The following DNAJC7 variants were observed in gnomAD, a reference collection of about 807,000 sequenced individuals.
DNAJC7 encodes DnaJ heat shock protein family (Hsp40) member C7.
DNAJC7 carries 18 observed loss-of-function variants against 67.4 expected under a neutral mutation model. The observed-to-expected ratio is 0.27, with a 90% CI of 0.18 to 0.40. The LOEUF is 0.40. Among genes scored for constraint, DNAJC7 ranks in the 10% least tolerant of loss-of-function variants. The probability of loss-of-function intolerance (pLI) is 1.00; values close to 1 mark genes in which losing one functional copy is unlikely to be tolerated. For synonymous variants in DNAJC7, 220 were observed against 207.8 expected, an observed-to-expected ratio of 1.06 and a Z score of -0.50; for missense variants, 419 against 613.8, an observed-to-expected ratio of 0.68 and a Z score of 3.35.
intron 9 of DNAJC7, chr17:41,985,183 G>A (rs181092960): frequency 6.6e-6 from 1 of 152,294 alleles, no homozygotes; most frequent in Non-Finnish European, 1.5e-5. Context: ...GCCAGGGCAG[G>A]AGAGTGCTAC....
At chr17:42,009,046 C>A (rs2052049309) in intron 1 of DNAJC7, among the ~76,000 whole-genome samples, 1 of 152,176 alleles carries the variant, frequency 6.6e-6, no homozygotes, top group South Asian at 2.1e-4. Context: ...ATAAATATGG[C>A]AAGGTATTTA....
chr17:42,004,652 TG>T (rs1457281407), intron 1 of DNAJC7, among the ~76,000 whole-genome samples: 1 of 152,216 alleles, frequency 6.6e-6, no homozygotes, highest in Non-Finnish European at 1.5e-5. Flanking sequence ...ATCAGCACAC[TG>T]GAAGCCCTGG....
chr17:41,976,821 A>T, intron 13 of DNAJC7, 51 bp from the exon 14 acceptor site: 1 of 1,595,418 alleles, frequency 6.3e-7, no homozygotes, highest in Non-Finnish European at 8.5e-7. Flanking sequence ...TCTAAGGAAG[A>T]TCACTTTGCT....
At chr17:41,995,980 A>C (rs1177004214) in intron 4 of DNAJC7, among the ~76,000 whole-genome samples, 1 of 152,168 alleles carries the variant, frequency 6.6e-6, no homozygotes, top group African/African-American at 2.4e-5. Flanking sequence ...CTAATGTAAA[A>C]AATTTTTTTG....
chr17:41,999,818 C>T (rs1555649214), intron 2 of DNAJC7, among the ~76,000 whole-genome samples: 1 of 151,628 alleles, frequency 6.6e-6, no homozygotes, highest in Non-Finnish European at 1.5e-5. Flanking sequence ...TGAGCCTGGC[C>T]TATTTTTTTT....
chr17:42,004,507 G>A (rs782004554), intron 1 of DNAJC7, among the ~76,000 whole-genome samples: 1 of 152,142 alleles, frequency 6.6e-6, no homozygotes, highest in Non-Finnish European at 1.5e-5. Flanking sequence ...AAGAGATGCT[G>A]GGAATGACTC....
At chr17:42,010,482 AACTCTGTCTCAAAAATAT>A in intron 1 of DNAJC7, among the ~76,000 whole-genome samples, 1 of 152,176 alleles carries the variant, frequency 6.6e-6, no homozygotes, top group East Asian at 1.9e-4. Flanking sequence ...ACAAGAATGA[AACTCTGTCTCAAAAATAT>A]ATATATATAA....
At chr17:41,979,336 C>A (rs939561592) in intron 12 of DNAJC7, among the ~76,000 whole-genome samples, 2 of 150,990 alleles carry the variant, frequency 1.3e-5, no homozygotes, top group African/African-American at 4.9e-5. Context: ...AAGACCATGT[C>A]TCAAAAACAT....
At chr17:41,982,129 C>T in intron 11 of DNAJC7, 122 bp from the exon 12 acceptor site, 1 of 1,548,974 alleles carries the variant, frequency 6.5e-7, no homozygotes. Context: ...TTGGAGGGTC[C>T]ACAAGTCTGC....
intron 6 of DNAJC7, among the ~76,000 whole-genome samples, chr17:41,989,977 G>A (rs1240644749): frequency 6.6e-6 from 1 of 152,248 alleles, no homozygotes; most frequent in Non-Finnish European, 1.5e-5. Context: ...TGCAGAAAGT[G>A]TGCCAACCAG....
In DNAJC7 at chr17:41,979,657, T is replaced by TAAAACAA. The variant is rs1555645627; in HGVS notation, c.1384+2197_1384+2198insTTGTTTT. Among the ~76,000 whole-genome samples, 4 of 47,868 alleles carry TAAAACAA rather than the reference T, an allele frequency of 8.4e-5. No individual in the cohort carries two copies. In the East Asian group the frequency reaches 2.9e-3, roughly 35 times the overall value. 31.4% of individuals were successfully genotyped at this position (47,868 alleles called of 152,430 possible). A position where few individuals can be genotyped will look rare whatever the true frequency, so the allele number is the denominator to read the frequency against. The stretch of plus-strand genomic sequence containing the variant: ...ACTGCACCCAGACTGGGCTCAGTCT[T>TAAAACAA]AAAAAAAAAAAAAAAAAAAAAAAGG... On this transcript the variant is annotated intron_variant, in intron 12 of 13. Coordinates refer to ENST00000457167, the MANE Select transcript of DNAJC7 (RefSeq NM_003315.4).
chr17:42,014,271 G>A (rs1479332774), intron 1 of DNAJC7: 5 of 149,896 alleles, frequency 3.3e-5, no homozygotes, highest in East Asian at 2.0e-4. Context: ...GGGTTCAAGC[G>A]ACTCTCCTGC....
At chr17:41,999,518 T>A (rs1555649112) in intron 2 of DNAJC7, among the ~76,000 whole-genome samples, 1 of 151,808 alleles carries the variant, frequency 6.6e-6, no homozygotes. Context: ...CTTTTCTCAA[T>A]TTTTTTTAAT....
At position 41,988,891 on chromosome 17, in the gene DNAJC7, G is replaced by C. The variant is rs1286408245; in HGVS notation, c.759C>G (p.Ala253=). The change falls in exon 8 of 14, where the codon GCC becomes GCG. Residue 253 remains alanine, a synonymous_variant. Coordinates refer to ENST00000457167, the MANE Select transcript of DNAJC7 (RefSeq NM_003315.4). ...CTTCTTTCTTTGCTTTGAGTGCTTT[G>C]GCATTCTACAGAAAAAAGCAAGGGG... ...HEKACIACRN[A]KALKAKKEDG... 6.2e-7 allele frequency: 1 copy of C among 1,612,934 alleles called. No individual in the cohort carries two copies. Among genetic ancestry groups the C allele is most frequent in the East Asian group, 2.2e-5 (1 of 44,812 alleles).
chr17:41,985,885 C>T (rs1394635954), intron 9 of DNAJC7: 2 of 152,110 alleles, frequency 1.3e-5, no homozygotes, highest in Non-Finnish European at 2.9e-5. Context: ...GGCAGAGCCA[C>T]TCCAAGAAGG....
intron 1 of DNAJC7, among the ~76,000 whole-genome samples, chr17:42,006,995 A>G (rs1555650425): frequency 1.3e-5 from 2 of 148,932 alleles, no homozygotes; most frequent in Non-Finnish European, 3.0e-5. Context: ...CCAGCTACTC[A>G]GTAGGCTGAG....
chr17:42,012,280 C>G (rs938166918), intron 1 of DNAJC7, among the ~76,000 whole-genome samples: 1 of 152,166 alleles, frequency 6.6e-6, no homozygotes, highest in Non-Finnish European at 1.5e-5. Context: ...GTTAAGAGAT[C>G]GAGACCATCC....
intron 1 of DNAJC7, chr17:42,017,129 C>G: frequency 6.8e-7 from 1 of 1,469,586 alleles, no homozygotes; most frequent in Non-Finnish European, 9.0e-7. Flanking sequence ...GGCCATGCCT[C>G]AGCTCCTACG....
intron 1 of DNAJC7, among the ~76,000 whole-genome samples, chr17:42,009,242 G>A (rs1555650771): frequency 6.6e-6 from 1 of 152,202 alleles, no homozygotes; most frequent in African/African-American, 2.4e-5. Context: ...AGAAGATGAA[G>A]AAAATTCCTT....
Sources: gnomAD v4.1 joint callset for allele counts (sites outside exome capture counted in the v4.1 genomes callset) on GRCh38, gnomAD v4.1.1 for gene constraint, MANE v1.5 for transcripts, NCBI Gene and HGNC (gene_info 2026-07-23, HGNC 2026-07-21) for gene names.